GRHL2: variants seen among roughly 807,000 people sequenced by gnomAD.
GRHL2 encodes grainyhead-like protein 2 homolog.
Under a neutral mutation model 83.8 loss-of-function variants are expected in GRHL2, and 21 were observed. The ratio of observed to expected loss-of-function variants is 0.25; its 90% CI spans 0.18 to 0.36. The LOEUF is 0.36. Ranked by LOEUF, GRHL2 falls within the 10% of genes least tolerant of loss-of-function variation. The pLI is 1.00. For synonymous variants in GRHL2, 280 were observed against 278.9 expected (o/e 1.00, Z -0.04); for missense variants, 623 against 781.8 (o/e 0.80, Z 2.42).
chr8:101,645,331 C>G (rs890451478), intron 13 of GRHL2, among the ~76,000 whole-genome samples: 1 of 152,012 alleles, frequency 6.6e-6, no homozygotes, highest in Non-Finnish European at 1.5e-5. Context: ...CGGGGTTTCA[C>G]AATGTTGGCC....
intron 3 of GRHL2, 68 bp downstream of exon 3, chr8:101,552,850 T>A: frequency 1.4e-6 from 2 of 1,462,038 alleles, no homozygotes; most frequent in Non-Finnish European, 1.9e-6. Flanking sequence ...TTAAACTGTA[T>A]GTTTTGTTCT....
At chr8:101,602,111 G>A (rs1230004720) in intron 8 of GRHL2, among the ~76,000 whole-genome samples, 1 of 152,150 alleles carries the variant, frequency 6.6e-6, no homozygotes, top group African/African-American at 2.4e-5. Flanking sequence ...TTACTGAAGA[G>A]CTTTTAAAGA....
Position 101,630,140 on chromosome 8 carries a change from C to T in GRHL2, c.1258-1497C>T, listed in dbSNP as rs369849505. Among the ~76,000 whole-genome samples the T allele has an allele frequency of 7.6e-4, 116 of 152,220 alleles. 5 individuals carry two copies. The South Asian group carries it at 0.023, about 30-fold the overall frequency. The stretch of plus-strand genomic sequence containing the variant: ...TAGAAATTCCCTGGCACAGAGTTAG[C>T]TATTATTACTCATTCTCCAAAAATT... On this transcript the variant is annotated intron_variant, in intron 9 of 15. Coordinates refer to ENST00000646743, the MANE Select transcript of GRHL2 (RefSeq NM_024915.4).
At chr8:101,598,883 T>G (rs1055642470) in intron 7 of GRHL2, among the ~76,000 whole-genome samples, 174 bp from the exon 8 acceptor site, 1 of 152,232 alleles carries the variant, frequency 6.6e-6, no homozygotes, top group Non-Finnish European at 1.5e-5. Flanking sequence ...TACATTCTTA[T>G]AGAGTAAGTA....
At chr8:101,508,835 A>G (rs1484782401) in intron 1 of GRHL2, among the ~76,000 whole-genome samples, 1 of 152,206 alleles carries the variant, frequency 6.6e-6, no homozygotes, top group Non-Finnish European at 1.5e-5. Flanking sequence ...CAGAGACCCC[A>G]AAGATGAGAC....
At chr8:101,505,641 G>T (rs1401119554) in intron 1 of GRHL2, among the ~76,000 whole-genome samples, 1 of 151,690 alleles carries the variant, frequency 6.6e-6, no homozygotes, top group Non-Finnish European at 1.5e-5. Flanking sequence ...TTGTGGGAGG[G>T]TTGAGGGAAG....
At chr8:101,648,656 C>T (rs1348718225) in intron 13 of GRHL2, among the ~76,000 whole-genome samples, 2 of 152,244 alleles carry the variant, frequency 1.3e-5, no homozygotes, top group South Asian at 2.1e-4. Flanking sequence ...TGGGACTCCA[C>T]ATCCTAAGCC....
intron 1 of GRHL2, among the ~76,000 whole-genome samples, chr8:101,518,260 A>T (rs530569746): frequency 5.9e-5 from 9 of 152,270 alleles, no homozygotes; most frequent in Admixed American, 1.3e-4. Flanking sequence ...AATGCAAAAA[A>T]TTAGCCGGGC....
At chr8:101,670,584 T>A (rs1814188628), downstream of GRHL2, among the ~76,000 whole-genome samples, 1 of 152,170 alleles carries the variant, frequency 6.6e-6, no homozygotes, top group Admixed American at 6.5e-5. Context: ...ATGACTGTGT[T>A]CCACAGCCTC....
intron 2 of GRHL2, among the ~76,000 whole-genome samples, chr8:101,549,656 A>C (rs1811338388): frequency 6.6e-6 from 1 of 152,238 alleles, no homozygotes; most frequent in African/African-American, 2.4e-5. Context: ...TCCCTGCTTC[A>C]GAGGCCTTTC....
In GRHL2 at chr8:101,666,854, C is replaced by A. The variant is rs1814075228; in HGVS notation, c.*151C>A. On this transcript the variant is annotated 3_prime_UTR_variant, in exon 16 of 16. Transcript: ENST00000646743. Reference sequence around the variant, plus strand: ...GCTGGGGAGTGGGGCAAGGGACAGGCCCCACTGTCGGTGTGCTTGGCCCAT... The same window carrying A: ...GCTGGGGAGTGGGGCAAGGGACAGGACCCACTGTCGGTGTGCTTGGCCCAT... 1.4e-6 allele frequency: 1 copy of A among 694,146 alleles called. No homozygotes were observed. Among genetic ancestry groups the A allele is most frequent in the Non-Finnish European group, 2.6e-6 (1 of 378,284 alleles). 43.0% of individuals were successfully genotyped at this position (694,146 alleles called of 1,614,324 possible).
chr8:101,537,723 A>G (rs1811071544), intron 1 of GRHL2, among the ~76,000 whole-genome samples: 2 of 152,220 alleles, frequency 1.3e-5, no homozygotes, highest in South Asian at 4.1e-4. Context: ...AAATTCACTC[A>G]TTGATAGAGC....
chr8:101,599,220 A>G, intron 8 of GRHL2, 69 bp downstream of exon 8: 1 of 1,046,718 alleles, frequency 9.6e-7, no homozygotes, highest in East Asian at 2.5e-5. Flanking sequence ...ATTCTTTTTT[A>G]AAAGCCTGTA....
chr8:101,545,272 C>A (rs969304372), intron 2 of GRHL2, among the ~76,000 whole-genome samples: 3 of 152,046 alleles, frequency 2.0e-5, no homozygotes, highest in African/African-American at 7.2e-5. Context: ...CCAGCATTGG[C>A]AGATTGTGAC....
rs1189630954 is a variant in GRHL2, at chr8:101,599,042, T to C, written c.1004-15T>C. 7.6e-6 allele frequency: 12 copies of C among 1,582,096 alleles called. No individual in the cohort carries two copies. The highest frequency in any genetic ancestry group is 1.3e-5 in the African/African-American group (1 of 74,262). On this transcript the variant is annotated splice_polypyrimidine_tract_variant and intron_variant, in intron 7 of 15. Coordinates refer to ENST00000646743, the MANE Select transcript of GRHL2 (RefSeq NM_024915.4). ...CTTACTCCTTTAAAAGCTTGTTCTT[T>C]TTTTAATGTTACAGCCGATTACAAG...
intron 8 of GRHL2, among the ~76,000 whole-genome samples, chr8:101,612,005 G>T (rs1411917739): frequency 6.6e-6 from 1 of 150,578 alleles, no homozygotes; most frequent in Non-Finnish European, 1.5e-5. Flanking sequence ...TTTTTGAGAT[G>T]GAGTCTCGCT....
intron 4 of GRHL2, among the ~76,000 whole-genome samples, chr8:101,568,367 C>A (rs990040141): frequency 6.6e-6 from 1 of 152,202 alleles, no homozygotes; most frequent in African/African-American, 2.4e-5. Context: ...TGGTGGCCCT[C>A]CCTTGCTTGG....
At chr8:101,591,426 A>G (rs950026421) in intron 7 of GRHL2, among the ~76,000 whole-genome samples, 5 of 152,126 alleles carry the variant, frequency 3.3e-5, no homozygotes, top group Non-Finnish European at 7.4e-5. Flanking sequence ...GAAGCACCCC[A>G]ACCTTGTCCT....
intron 1 of GRHL2, among the ~76,000 whole-genome samples, chr8:101,520,612 A>G (rs1338239968): frequency 6.6e-6 from 1 of 152,178 alleles, no homozygotes; most frequent in Non-Finnish European, 1.5e-5. Context: ...TATGGATTGA[A>G]CAGAAAAGAG....
Sources: gnomAD v4.1 joint callset for allele counts (sites outside exome capture counted in the v4.1 genomes callset) on GRCh38, gnomAD v4.1.1 for gene constraint, MANE v1.5 for transcripts, NCBI Gene and HGNC (gene_info 2026-07-23, HGNC 2026-07-21) for gene names.